FARS2: variants seen among roughly 807,000 people sequenced by gnomAD.
FARS2 encodes phenylalanyl-tRNA synthetase 2, mitochondrial.
FARS2 carries 40 observed loss-of-function variants against 46.4 expected under a neutral mutation model. The ratio of observed to expected loss-of-function variants is 0.86; its 90% confidence interval spans 0.67 to 1.12. FARS2 has a LOEUF of 1.12. FARS2 is among the 50% of genes most tolerant of loss of function. The pLI is 0.00. For synonymous variants in FARS2, 234 were observed against 214.9 expected (o/e 1.09, Z -0.78); for missense variants, 513 against 567.9 (o/e 0.90, Z 0.98).
Position 5,639,701 on chromosome 6 carries a change from C to T in FARS2, c.1217+26381C>T, listed in dbSNP as rs565590304. Among the ~76,000 whole-genome samples, 10 of 151,806 alleles carry T rather than the reference C, an allele frequency of 6.6e-5. No individual in the cohort carries two copies. In the South Asian group the frequency reaches 8.4e-4, roughly 13 times the overall value. ...TGAGTCAGCTAAGAACAGTGCCAAG[C>T]GAGGCTCTTGAGTGTAAGCGCTTGA... On this transcript the variant is annotated intron_variant, in intron 6 of 6. Transcript: ENST00000274680.
intron 6 of FARS2, among the ~76,000 whole-genome samples, chr6:5,662,097 T>G (rs906117844): frequency 1.3e-5 from 2 of 152,230 alleles, no homozygotes; most frequent in Admixed American, 6.5e-5. Context: ...GGGCTTATAT[T>G]TGACATGGAA....
chr6:5,290,426 T>C (rs1767423469), intron 1 of FARS2, among the ~76,000 whole-genome samples: 1 of 152,218 alleles, frequency 6.6e-6, no homozygotes, highest in Admixed American at 6.5e-5. Context: ...CACAGCAATT[T>C]GGGTATCTGT....
At chr6:5,275,864 TTATCTC>T (rs59878290) in intron 1 of FARS2, among the ~76,000 whole-genome samples, 78,061 of 151,390 alleles carry the variant, frequency 0.52, 20,486 homozygotes, top group East Asian at 0.84. Flanking sequence ...TTTGCATACT[TTATCTC>T]TTGCGTTACG....
rs375350279 is a variant in FARS2, at chr6:5,500,327, G to A, written c.905-44853G>A. Among the ~76,000 whole-genome samples, 57 of 152,350 alleles carry A rather than the reference G, an allele frequency of 3.7e-4. No homozygotes were observed. The East Asian group carries it at 0.011, about 28-fold the overall frequency. On this transcript the variant is annotated intron_variant, in intron 4 of 6. Transcript: ENST00000274680. ...AAAGGCTGCTGTGGAGGCTGGGAAA[G>A]TACTCATAGAAATGCAGCTTTTCTC...
intron 4 of FARS2, among the ~76,000 whole-genome samples, chr6:5,533,445 G>A (rs964053120): frequency 1.3e-5 from 2 of 152,146 alleles, no homozygotes. Flanking sequence ...TAAAAAGTGG[G>A]AAAATCTTGA....
intron 4 of FARS2, among the ~76,000 whole-genome samples, chr6:5,518,613 A>G (rs1440301084): frequency 6.6e-6 from 1 of 152,186 alleles, no homozygotes; most frequent in Non-Finnish European, 1.5e-5. Context: ...TATGACTGTG[A>G]GTGATCACAT....
At chr6:5,529,291 A>G (rs1769666472) in intron 4 of FARS2, among the ~76,000 whole-genome samples, 1 of 152,136 alleles carries the variant, frequency 6.6e-6, no homozygotes, top group Non-Finnish European at 1.5e-5. Context: ...CATTTTTTGT[A>G]CAAAAACAAG....
At chr6:5,640,376 C>T (rs532485650) in intron 6 of FARS2, among the ~76,000 whole-genome samples, 1 of 152,284 alleles carries the variant, frequency 6.6e-6, no homozygotes, top group South Asian at 2.1e-4. Context: ...TCTGAATTGG[C>T]TTCATATCAC....
intron 4 of FARS2, among the ~76,000 whole-genome samples, chr6:5,434,848 A>G (rs1193165748): frequency 6.6e-6 from 1 of 152,128 alleles, no homozygotes; most frequent in African/African-American, 2.4e-5. Flanking sequence ...AAACAATATA[A>G]TTGATGACTC....
chr6:5,266,296 G>A (rs1235784689), intron 1 of FARS2, among the ~76,000 whole-genome samples: 2 of 152,170 alleles, frequency 1.3e-5, no homozygotes, highest in Non-Finnish European at 2.9e-5. Context: ...TTTTAGGCAT[G>A]AGATGAGCTG....
chr6:5,709,017 C>G (rs1233300446), intron 6 of FARS2, among the ~76,000 whole-genome samples: 2 of 152,336 alleles, frequency 1.3e-5, no homozygotes, highest in Non-Finnish European at 2.9e-5. Context: ...GGGACACTTC[C>G]TCCCTTGTCG....
intron 4 of FARS2, among the ~76,000 whole-genome samples, chr6:5,452,976 G>A (rs567435718): frequency 5.3e-5 from 8 of 152,208 alleles, no homozygotes; most frequent in Non-Finnish European, 1.0e-4. Flanking sequence ...TGTGCGGTGG[G>A]CAAAAGTAGG....
At chr6:5,616,241 T>G (rs1347890464) in intron 6 of FARS2, among the ~76,000 whole-genome samples, 1 of 152,172 alleles carries the variant, frequency 6.6e-6, no homozygotes, top group East Asian at 1.9e-4. Flanking sequence ...GTAGTCTGGA[T>G]CCCTGATGCT....
At chr6:5,318,289 G>T (rs573172703) in intron 1 of FARS2, among the ~76,000 whole-genome samples, 1 of 151,640 alleles carries the variant, frequency 6.6e-6, no homozygotes, top group South Asian at 2.1e-4. Context: ...AACCCGGGAG[G>T]TGGAGCTTGC....
chr6:5,679,180 C>A (rs1037260959), intron 6 of FARS2, among the ~76,000 whole-genome samples: 3 of 152,172 alleles, frequency 2.0e-5, no homozygotes, highest in African/African-American at 7.2e-5. Context: ...ACCGAGGTGA[C>A]AAAGCAAACC....
intron 6 of FARS2, among the ~76,000 whole-genome samples, chr6:5,717,935 T>TGGAGAGAGAGAGAGAGAGAGAGAG (rs1759625051): frequency 7.4e-6 from 1 of 135,628 alleles, no homozygotes; most frequent in African/African-American, 3.1e-5. Context: ...TATATATATA[T>TGGAGAGAGAGAGAGAGAGAGAGAG]ACAGAGTCTC....
At chr6:5,266,948 A>G (rs571436058) in intron 1 of FARS2, among the ~76,000 whole-genome samples, 19 of 152,098 alleles carry the variant, frequency 1.2e-4, no homozygotes, top group South Asian at 2.1e-4. Flanking sequence ...TGAGACTCAC[A>G]TTTCTGTAGA....
In FARS2 at chr6:5,427,378, A is replaced by G. The variant is rs139849884; in HGVS notation, c.773-3663A>G. On this transcript the variant is annotated intron_variant, in intron 3 of 6. Coordinates refer to ENST00000274680, the MANE Select transcript of FARS2 (RefSeq NM_006567.5). ...GTTTTATGGATAAGACTTCAAAAGC[A>G]CAGATTTTGACTTTTGTCTATTTAT... 3.9e-3 allele frequency among the ~76,000 whole-genome samples: 598 copies of G among 152,372 alleles called. 5 individuals are homozygous for G. Among genetic ancestry groups the G allele is most frequent in the African/African-American group, 0.014 (569 of 41,590 alleles).
chr6:5,699,721 C>T (rs139596628), intron 6 of FARS2, among the ~76,000 whole-genome samples: 1 of 152,246 alleles, frequency 6.6e-6, no homozygotes, highest in East Asian at 1.9e-4. Flanking sequence ...GCTGGCCAGG[C>T]TGGTCGAGAT....
Sources: allele counts gnomAD v4.1 joint callset (sites outside exome capture counted in the v4.1 genomes callset), GRCh38; gene constraint gnomAD v4.1.1; transcripts MANE v1.5; gene names NCBI Gene and HGNC (gene_info 2026-07-23, HGNC 2026-07-21).